NEK7: variants seen among roughly 807,000 people sequenced by gnomAD.
NEK7 encodes NIMA related kinase 7.
A neutral mutation model predicts 44.6 loss-of-function variants in NEK7; 18 were observed. The observed-to-expected ratio is 0.40, with a 90% CI of 0.28 to 0.60. NEK7 has a LOEUF of 0.60. Among genes scored for constraint, NEK7 ranks in the 20% least tolerant of loss-of-function variants. The probability of loss-of-function intolerance (pLI) is 0.38; values close to 1 mark genes in which losing one functional copy is unlikely to be tolerated. For missense variants in NEK7, 256 were observed against 366.5 expected (o/e 0.70, Z 2.46); for synonymous variants, 130 against 121.1 (o/e 1.07, Z -0.48).
intron 1 of NEK7, among the ~76,000 whole-genome samples, chr1:198,167,588 A>G (rs1011625759): frequency 6.6e-6 from 1 of 152,160 alleles, no homozygotes; most frequent in African/African-American, 2.4e-5. Context: ...TACTGTTCTC[A>G]CCATTTTTGG....
At chr1:198,168,131 A>C (rs775808190) in intron 1 of NEK7, among the ~76,000 whole-genome samples, 19 of 152,210 alleles carry the variant, frequency 1.2e-4, no homozygotes, top group Non-Finnish European at 2.5e-4. Context: ...AAAGTTTTCA[A>C]ATCGTGGGTC....
At chr1:198,266,196 A>T (rs1653646514) in intron 5 of NEK7, among the ~76,000 whole-genome samples, 1 of 152,122 alleles carries the variant, frequency 6.6e-6, no homozygotes. Context: ...AATCTCAAGT[A>T]CAAAGCCTTA....
At chr1:198,265,159 T>G (rs1339446737) in intron 5 of NEK7, among the ~76,000 whole-genome samples, 1 of 152,056 alleles carries the variant, frequency 6.6e-6, no homozygotes. Flanking sequence ...TTAAAGCACA[T>G]TCCTGAGTGC....
chr1:198,229,632 G>C (rs1252700038), intron 1 of NEK7, among the ~76,000 whole-genome samples: 1 of 152,202 alleles, frequency 6.6e-6, no homozygotes, highest in Non-Finnish European at 1.5e-5. Flanking sequence ...TTGATGTGTG[G>C]AGAGAAACCT....
Position 198,275,614 on chromosome 1 carries a change from G to T in NEK7, c.373-2347G>T, listed in dbSNP as rs1653994059. ...AGATAATTAACTTTTAAAAAGATAT[G>T]TGTTTATTAGAATAAATTTTAAGAG... On this transcript the variant is annotated intron_variant, in intron 5 of 9. Transcript: ENST00000367385. Among the ~76,000 whole-genome samples the T allele has an allele frequency of 2.0e-5, 3 of 150,920 alleles. No homozygotes were observed. In the South Asian group the frequency reaches 6.2e-4, roughly 31 times the overall value.
chr1:198,257,099 A>G lies in NEK7; in HGVS notation c.198+3919A>G, dbSNP rs139950565. 2.6e-4 allele frequency among the ~76,000 whole-genome samples: 39 copies of G among 152,238 alleles called. No homozygotes were observed. In the East Asian group the frequency reaches 7.1e-3, roughly 28 times the overall value. ...AATTTCGCTTTGCTTACTCTTAACT[A>G]TATTTCTAGATAACACTATTTTACT... On this transcript the variant is annotated intron_variant, in intron 3 of 9. Coordinates refer to ENST00000367385, the MANE Select transcript of NEK7 (RefSeq NM_133494.3).
At chr1:198,278,473 C>T (rs549541971) in intron 6 of NEK7, among the ~76,000 whole-genome samples, 13 of 149,696 alleles carry the variant, frequency 8.7e-5, no homozygotes, top group South Asian at 2.1e-4. Context: ...GTAATTGATC[C>T]GCTGATACTG....
rs1359290609 is a variant in NEK7 at position 198,278,949 on chromosome 1, C to G, written c.482-5C>G. The stretch of plus-strand genomic sequence containing the variant: ...CTTTTACCTGATCCCTTCATTTATT[C>G]ACAGATATAAAACCAGCTAATGTGT... On this transcript the variant is annotated splice_region_variant and splice_polypyrimidine_tract_variant and intron_variant, in intron 6 of 9. Transcript: ENST00000367385. 1.3e-6 allele frequency: 2 copies of G among 1,527,378 alleles called. No individual in the cohort carries two copies. The highest frequency in any genetic ancestry group is 3.5e-5 in the Admixed American group (2 of 57,934). 94.6% of individuals were successfully genotyped at this position (1,527,378 alleles called of 1,614,324 possible). A position where few individuals can be genotyped will look rare whatever the true frequency, so the allele number is the denominator to read the frequency against.
At position 198,181,411 on chromosome 1, in the gene NEK7, A is replaced by G. The variant is rs527828057; in HGVS notation, c.-29+24135A>G. On this transcript the variant is annotated intron_variant, in intron 1 of 9. Transcript: ENST00000367385. ...CAAAGTTCCTGTCAGTAAACTCTCA[A>G]TGTATACAGCATGACTTGATTATTT... Among the ~76,000 whole-genome samples, 12 of 152,252 alleles carry G rather than the reference A, an allele frequency of 7.9e-5. 1 individual carries two copies. The South Asian group carries it at 2.5e-3, about 32-fold the overall frequency.
chr1:198,278,896 C>A, intron 6 of NEK7, 58 bp from the exon 7 acceptor site: 1 of 889,196 alleles, frequency 1.1e-6, no homozygotes, highest in Non-Finnish European at 1.8e-6. Flanking sequence ...GTTGTTAATT[C>A]CTTTAAAATT....
chr1:198,242,401 CTTT>C (rs111872515), intron 2 of NEK7, among the ~76,000 whole-genome samples: 5 of 134,174 alleles, frequency 3.7e-5, no homozygotes, highest in East Asian at 2.1e-4. Context: ...CTTTCTTTTT[CTTT>C]TTTTTTTTTT....
chr1:198,253,546 G>A (rs1653152804), intron 3 of NEK7, among the ~76,000 whole-genome samples: 1 of 151,998 alleles, frequency 6.6e-6, no homozygotes, highest in South Asian at 2.1e-4. Flanking sequence ...GTCACAAAAT[G>A]TACTGCCCGA....
At chr1:198,191,920 C>G (rs1571516508) in intron 1 of NEK7, among the ~76,000 whole-genome samples, 1 of 152,032 alleles carries the variant, frequency 6.6e-6, no homozygotes, top group East Asian at 1.9e-4. Context: ...TGTAATGCCA[C>G]TTGTCTCAAA....
intron 2 of NEK7, among the ~76,000 whole-genome samples, chr1:198,246,473 C>A (rs1447491256): frequency 2.0e-5 from 3 of 152,242 alleles, no homozygotes; most frequent in Non-Finnish European, 4.4e-5. Flanking sequence ...AATGCTCAGG[C>A]CATATCAACC....
rs890488953 is a variant in NEK7, at chr1:198,205,239, C to G, written c.-28-27314C>G. 2.6e-5 allele frequency among the ~76,000 whole-genome samples: 4 copies of G among 152,188 alleles called. No individual in the cohort carries two copies. In the East Asian group the frequency reaches 7.7e-4, roughly 29 times the overall value. ...CAGCGGCAGTTTTGGCAGGCATTGC[C>G]AAGTGCGCATCACTTTCAATGATAC... On this transcript the variant is annotated intron_variant, in intron 1 of 9. Transcript: ENST00000367385.
chr1:198,178,714 T>C (rs1664675871), intron 1 of NEK7, among the ~76,000 whole-genome samples: 1 of 151,974 alleles, frequency 6.6e-6, no homozygotes, highest in Admixed American at 6.6e-5. Context: ...GTTGTTGTTG[T>C]CATGGAATAC....
chr1:198,243,506 G>A (rs6428445), intron 2 of NEK7, among the ~76,000 whole-genome samples: 51,218 of 151,996 alleles, frequency 0.34, 9,880 homozygotes, highest in East Asian at 0.8. Flanking sequence ...TATCTTTGAC[G>A]TTAATTAATT....
chr1:198,181,208 A>G (rs1217860562), intron 1 of NEK7, among the ~76,000 whole-genome samples: 2 of 152,096 alleles, frequency 1.3e-5, no homozygotes, highest in Non-Finnish European at 2.9e-5. Context: ...CATATACTTG[A>G]CATGTAACTC....
chr1:198,232,931 G>A, intron 2 of NEK7, among the ~76,000 whole-genome samples: 1 of 151,642 alleles, frequency 6.6e-6, no homozygotes, highest in Non-Finnish European at 1.5e-5. Context: ...TTTTTAGGGT[G>A]CAGTTTGCCA....
Sources: allele counts gnomAD v4.1 joint callset (sites outside exome capture counted in the v4.1 genomes callset), GRCh38; gene constraint gnomAD v4.1.1; transcripts MANE v1.5; gene names NCBI Gene and HGNC (gene_info 2026-07-23, HGNC 2026-07-21).